The following SPECC1L variants were observed in gnomAD, a reference collection of about 807,000 sequenced individuals.
SPECC1L encodes the protein cytospin-A.
A neutral mutation model predicts 116.8 loss-of-function variants in SPECC1L; 40 were observed. The ratio of observed to expected loss-of-function variants is 0.34; its 90% CI spans 0.27 to 0.45. The LOEUF (loss-of-function observed/expected upper bound fraction) is 0.45. Among genes scored for constraint, SPECC1L ranks in the 20% least tolerant of loss-of-function variants. The pLI, the probability that SPECC1L is intolerant of heterozygous loss-of-function variation, is 1.00. For synonymous variants in SPECC1L, 504 were observed against 500.6 expected, an observed-to-expected ratio of 1.01 and a Z score of -0.09; for missense variants, 1,110 against 1,373.6, an observed-to-expected ratio of 0.81 and a Z score of 3.03.
At chr22:24,360,839 A>T (rs1332608762) in intron 11 of SPECC1L, among the ~76,000 whole-genome samples, 2 of 152,246 alleles carry the variant, frequency 1.3e-5, no homozygotes, top group East Asian at 3.9e-4. Flanking sequence ...TACTATTTCC[A>T]TGTTCTTTTG....
At chr22:24,288,856 C>A (rs951950673) in intron 2 of SPECC1L, among the ~76,000 whole-genome samples, 1 of 151,894 alleles carries the variant, frequency 6.6e-6, no homozygotes, top group Non-Finnish European at 1.5e-5. Context: ...GAACTCCTGA[C>A]CTTGTGATCC....
intron 2 of SPECC1L, among the ~76,000 whole-genome samples, chr22:24,299,002 G>A (rs1001104856): frequency 1.3e-5 from 2 of 152,152 alleles, no homozygotes; most frequent in African/African-American, 4.8e-5. Context: ...TTCATGATAG[G>A]TAGGGTGATA....
At chr22:24,320,918 C>T (rs2040709048) in intron 4 of SPECC1L, among the ~76,000 whole-genome samples, 1 of 152,198 alleles carries the variant, frequency 6.6e-6, no homozygotes, top group African/African-American at 2.4e-5. Flanking sequence ...GAGTCATCTT[C>T]ACCTGTCTTG....
chr22:24,378,520 G>A (rs1318038052), intron 14 of SPECC1L, among the ~76,000 whole-genome samples: 1 of 152,212 alleles, frequency 6.6e-6, no homozygotes, highest in Non-Finnish European at 1.5e-5. Context: ...CAGCCTTTTG[G>A]CTTTTGCCGT....
chr22:24,410,880 A>G (rs1189530994), intron 14 of SPECC1L, among the ~76,000 whole-genome samples: 1 of 152,116 alleles, frequency 6.6e-6, no homozygotes, highest in Non-Finnish European at 1.5e-5. Context: ...ATTTTAATAC[A>G]TGGTGCTTTA....
At chr22:24,384,163 T>C (rs1311319068) in intron 14 of SPECC1L, among the ~76,000 whole-genome samples, 1 of 151,100 alleles carries the variant, frequency 6.6e-6, no homozygotes, top group East Asian at 1.9e-4. Context: ...ACACATACAA[T>C]TGGGTTATAC....
intron 2 of SPECC1L, among the ~76,000 whole-genome samples, chr22:24,298,336 C>T (rs561347056): frequency 7.2e-5 from 11 of 152,232 alleles, no homozygotes; most frequent in Non-Finnish European, 1.0e-4. Context: ...AGTTGAGCAG[C>T]GTCTTTATGT....
At chr22:24,385,580 G>A (rs189966910) in intron 14 of SPECC1L, among the ~76,000 whole-genome samples, 2 of 152,280 alleles carry the variant, frequency 1.3e-5, no homozygotes, top group African/African-American at 2.4e-5. Flanking sequence ...TTCTCAGTAA[G>A]AAATATTACT....
At chr22:24,393,596 C>G (rs17004909) in intron 14 of SPECC1L, among the ~76,000 whole-genome samples, 5,121 of 152,226 alleles carry the variant, frequency 0.034, 176 homozygotes, top group African/African-American at 0.082. Flanking sequence ...TTAAAAAGCT[C>G]TAAAACAGAG....
chr22:24,407,541 G>A (rs1043998013), intron 14 of SPECC1L, among the ~76,000 whole-genome samples: 7 of 152,314 alleles, frequency 4.6e-5, no homozygotes, highest in South Asian at 4.1e-4. Flanking sequence ...CAGAAGGGGC[G>A]GCTGCGGCAG....
At chr22:24,353,941 A>G (rs924273313) in intron 11 of SPECC1L, among the ~76,000 whole-genome samples, 8 of 152,240 alleles carry the variant, frequency 5.3e-5, no homozygotes, top group Admixed American at 3.3e-4. Flanking sequence ...AAAGAGGTTT[A>G]ATTGGCTTAC....
intron 2 of SPECC1L, among the ~76,000 whole-genome samples, chr22:24,284,453 G>A (rs2049003920): frequency 6.7e-6 from 1 of 149,988 alleles, no homozygotes; most frequent in African/African-American, 2.5e-5. Context: ...ATTTTATTTT[G>A]AGACAGAGTC....
intron 14 of SPECC1L, among the ~76,000 whole-genome samples, chr22:24,398,904 T>C (rs1174566985): frequency 6.6e-6 from 1 of 152,214 alleles, no homozygotes; most frequent in African/African-American, 2.4e-5. Context: ...AGATCTTGCT[T>C]GAGGATTTCC....
intron 14 of SPECC1L, among the ~76,000 whole-genome samples, chr22:24,370,433 G>T (rs2041851065): frequency 6.6e-6 from 1 of 152,238 alleles, no homozygotes; most frequent in Admixed American, 6.5e-5. Context: ...AGTAGTGTTG[G>T]CAAAGATGTG....
intron 14 of SPECC1L, among the ~76,000 whole-genome samples, chr22:24,384,985 C>T (rs2042133441): frequency 6.6e-6 from 1 of 151,432 alleles, no homozygotes; most frequent in Non-Finnish European, 1.5e-5. Context: ...AATGGCTGAA[C>T]CCGGGAGGCA....
In SPECC1L at chr22:24,321,727, G is replaced by A. The variant is rs764609840; in HGVS notation, c.747G>A (p.Gln249=). ...VESTLLQLQE[Q]NTAIREELNQ... ...CCACTTTATTGCAGTTGCAGGAACA[G>A]AATACTGCCATCCGTGAAGAACTCA... Residue 249 remains glutamine (Q), a synonymous_variant, in exon 5 of 17, where the codon CAG becomes CAA. Coordinates refer to ENST00000314328, the MANE Select transcript of SPECC1L (RefSeq NM_015330.6). The A allele has an allele frequency of 6.2e-7, 1 of 1,614,078 alleles. No individual in the cohort carries two copies. Among genetic ancestry groups the A allele is most frequent in the East Asian group, 2.2e-5 (1 of 44,894 alleles).
chr22:24,385,844 T>C (rs910614357), intron 14 of SPECC1L, among the ~76,000 whole-genome samples: 4 of 152,192 alleles, frequency 2.6e-5, no homozygotes, highest in African/African-American at 9.6e-5. Context: ...AAAAAGCAAA[T>C]GAAATTTAGT....
intron 4 of SPECC1L, among the ~76,000 whole-genome samples, chr22:24,318,798 G>A (rs1348477073): frequency 1.3e-5 from 2 of 151,980 alleles, no homozygotes; most frequent in Non-Finnish European, 2.9e-5. Flanking sequence ...GTATGGTGGC[G>A]TGTGCTTGTA....
chr22:24,346,046 A>C (rs1449494584), intron 10 of SPECC1L, among the ~76,000 whole-genome samples: 1 of 147,638 alleles, frequency 6.8e-6, no homozygotes, highest in Non-Finnish European at 1.5e-5. Flanking sequence ...TCACAATGTC[A>C]CCCGGGCTGG....
Sources: allele counts gnomAD v4.1 joint callset (sites outside exome capture counted in the v4.1 genomes callset), GRCh38; gene constraint gnomAD v4.1.1; transcripts MANE v1.5; gene names NCBI Gene and HGNC (gene_info 2026-07-23, HGNC 2026-07-21).